Variants in GRID2 observed in about 807,000 individuals in gnomAD.
GRID2 encodes the protein glutamate receptor ionotropic, delta-2.
GRID2 carries 33 observed loss-of-function variants against 114.8 expected under a neutral mutation model. The observed-to-expected ratio is 0.29, with a 90% confidence interval of 0.22 to 0.38. The LOEUF is 0.38. Ranked by LOEUF, GRID2 falls within the 10% of genes least tolerant of loss-of-function variation. The probability of loss-of-function intolerance (pLI) is 1.00; values close to 1 mark genes in which losing one functional copy is unlikely to be tolerated. For missense variants in GRID2, 1,184 were observed against 1,257.7 expected (o/e 0.94, Z 0.89); for synonymous variants, 505 against 449.9 (o/e 1.12, Z -1.55).
At chr4:93,507,898 G>C (rs1221414394) in intron 12 of GRID2, among the ~76,000 whole-genome samples, 1 of 152,144 alleles carries the variant, frequency 6.6e-6, no homozygotes, top group Non-Finnish European at 1.5e-5. Context: ...GTTCAATGAA[G>C]CTTGCCCAGC....
At chr4:93,095,925 C>T (rs938131132) in intron 3 of GRID2, among the ~76,000 whole-genome samples, 2 of 151,860 alleles carry the variant, frequency 1.3e-5, no homozygotes, top group Non-Finnish European at 2.9e-5. Flanking sequence ...GTGTAAAGAT[C>T]TTATATAGCC....
intron 1 of GRID2, among the ~76,000 whole-genome samples, chr4:92,490,899 T>C (rs150529078): frequency 4.6e-5 from 7 of 152,206 alleles, no homozygotes; most frequent in African/African-American, 7.2e-5. Context: ...AGTGTTCACA[T>C]TGAGAAATCC....
chr4:93,660,477 T>C (rs2149736419), intron 14 of GRID2, among the ~76,000 whole-genome samples: 1 of 152,228 alleles, frequency 6.6e-6, no homozygotes, highest in Non-Finnish European at 1.5e-5. Context: ...GATTATGGAG[T>C]AAATGCCTTA....
rs137956550 is a variant in GRID2, at chr4:93,362,276, T to A, written c.1246-33331T>A. The stretch of plus-strand genomic sequence containing the variant: ...AATGGTAGAATGCCATTACTTGTTA[T>A]TCACACCACTTACTAGTCTGCTTGT... On this transcript the variant is annotated intron_variant, in intron 8 of 15. Coordinates refer to ENST00000282020, the MANE Select transcript of GRID2 (RefSeq NM_001510.4). 5.7e-3 allele frequency among the ~76,000 whole-genome samples: 866 copies of A among 152,210 alleles called. 5 individuals are homozygous for A. The highest frequency in any genetic ancestry group is 0.02 in the African/African-American group (819 of 41,538).
intron 1 of GRID2, among the ~76,000 whole-genome samples, chr4:92,384,480 T>TATATATA (rs1560598769): frequency 5.6e-5 from 3 of 53,992 alleles, no homozygotes; most frequent in Admixed American, 3.1e-4. Context: ...ATATATATAT[T>TATATATA]ATTTATATAT....
rs1347303085 is a variant in GRID2, at chr4:92,423,700, A to C, written c.88+118956A>C. Among the ~76,000 whole-genome samples, 4 of 152,148 alleles carry C rather than the reference A, an allele frequency of 2.6e-5. No individual in the cohort carries two copies. In the South Asian group the frequency reaches 6.2e-4, roughly 24 times the overall value. Reference sequence around the variant, plus strand: ...CAACAGATTTGAGCTGATGTTCAATAATACTTTTGGCACTCCAGAATAAAA... The same window carrying C: ...CAACAGATTTGAGCTGATGTTCAATCATACTTTTGGCACTCCAGAATAAAA... On this transcript the variant is annotated intron_variant, in intron 1 of 15. Transcript: ENST00000282020.
chr4:92,330,638 A>G (rs1322400802), intron 1 of GRID2, among the ~76,000 whole-genome samples: 1 of 152,144 alleles, frequency 6.6e-6, no homozygotes, highest in Non-Finnish European at 1.5e-5. Flanking sequence ...TGTGGTTTCT[A>G]TAAACAAAGT....
intron 2 of GRID2, among the ~76,000 whole-genome samples, chr4:92,824,267 T>G: frequency 6.6e-6 from 1 of 152,170 alleles, no homozygotes; most frequent in East Asian, 1.9e-4. Context: ...GTTATTAAAA[T>G]TTATCATTAC....
intron 2 of GRID2, among the ~76,000 whole-genome samples, chr4:93,046,008 TAAG>T (rs1237836508): frequency 6.6e-6 from 1 of 152,098 alleles, no homozygotes; most frequent in East Asian, 1.9e-4. Flanking sequence ...TTATAATTGA[TAAG>T]AATGTCAACC....
At position 92,477,418 on chromosome 4, in the gene GRID2, T is replaced by C. The variant is rs1007166851; in HGVS notation, c.89-112713T>C. 1.8e-4 allele frequency among the ~76,000 whole-genome samples: 27 copies of C among 152,148 alleles called. 2 individuals are homozygous for C. The highest frequency in any genetic ancestry group is 1.7e-3 in the Admixed American group (26 of 15,282). On this transcript the variant is annotated intron_variant, in intron 1 of 15. Coordinates refer to ENST00000282020, the MANE Select transcript of GRID2 (RefSeq NM_001510.4). ...GTTTCCAGTGACCCAGTTTTTGACATACTACTGTCGTGGTTCACTCTAGGT... is the reference window on the plus strand; with the variant it reads ...GTTTCCAGTGACCCAGTTTTTGACACACTACTGTCGTGGTTCACTCTAGGT...
Position 93,626,316 on chromosome 4 carries a change from A to T in GRID2, c.2241A>T (p.Glu747Asp), listed in dbSNP as rs545175788. The change falls in exon 14 of 16, where the codon GAA (glutamate) becomes GAT (aspartate). Residue 747 changes from glutamate to aspartate, a missense_variant. Around this residue, in one of 3 missense-constraint regions of GRID2, gnomAD observed 717 missense variants for 796.9 expected, o/e 0.90. Transcript: ENST00000282020. The stretch of plus-strand genomic sequence containing the variant: ...TCGTATGGGATGCAGCTGTATTGGA[A>T]TATGTGGCTATCAATGACCCAGATT... The part of the protein sequence containing the change: ...YAFVWDAAVL[E>D]YVAINDPDCS... 1.4e-5 allele frequency: 23 copies of T among 1,603,176 alleles called. No individual in the cohort carries two copies. In the East Asian group the frequency reaches 1.8e-4, roughly 12 times the overall value.
chr4:93,600,987 G>C lies in GRID2; in HGVS notation c.2194-25282G>C, dbSNP rs372891461. On this transcript the variant is annotated intron_variant, in intron 13 of 15. Transcript: ENST00000282020. Reference sequence around the variant, plus strand: ...GCAAAACAAATCTGTCATGGTGAGAGAAATCAGAGCAATAGTGCCCAGAGG... The same window carrying C: ...GCAAAACAAATCTGTCATGGTGAGACAAATCAGAGCAATAGTGCCCAGAGG... Among the ~76,000 whole-genome samples, 65 of 152,320 alleles carry C rather than the reference G, an allele frequency of 4.3e-4. No individual in the cohort carries two copies. In the Middle Eastern group the frequency reaches 0.01, roughly 24 times the overall value.
chr4:92,793,405 C>T (rs148753303), intron 2 of GRID2, among the ~76,000 whole-genome samples: 85 of 151,324 alleles, frequency 5.6e-4, no homozygotes, highest in Admixed American at 4.6e-4. Context: ...GGTGGAGGGT[C>T]GGAACAGGGA....
intron 2 of GRID2, among the ~76,000 whole-genome samples, chr4:92,938,753 C>A (rs867546783): frequency 7.0e-6 from 1 of 142,132 alleles, no homozygotes; most frequent in Admixed American, 7.8e-5. Flanking sequence ...TGTGATGTTC[C>A]CCTTCCTGTG....
At chr4:93,546,886 T>A (rs1051572804) in intron 13 of GRID2, among the ~76,000 whole-genome samples, 1 of 152,146 alleles carries the variant, frequency 6.6e-6, no homozygotes, top group African/African-American at 2.4e-5. Flanking sequence ...TCTGTTCTAG[T>A]TGGCTAAAGG....
chr4:93,518,042 C>T (rs559688190), intron 13 of GRID2, among the ~76,000 whole-genome samples: 173 of 136,162 alleles, frequency 1.3e-3, no homozygotes, highest in African/African-American at 4.7e-3. Context: ...TGTATATATA[C>T]GCATATACTA....
rs750541997 is a variant in GRID2 at position 93,530,504 on chromosome 4, C to T, written c.2193+15093C>T. On this transcript the variant is annotated intron_variant, in intron 13 of 15. Coordinates refer to ENST00000282020, the MANE Select transcript of GRID2 (RefSeq NM_001510.4). ...GTATTGCTCATTTCTTTCCCTCCATCAGGAATGCACTCCTCTGCCTGCCTT... is the reference window on the plus strand; with the variant it reads ...GTATTGCTCATTTCTTTCCCTCCATTAGGAATGCACTCCTCTGCCTGCCTT... Among the ~76,000 whole-genome samples, 28 of 152,142 alleles carry T rather than the reference C, an allele frequency of 1.8e-4. 1 individual carries two copies. The highest frequency in any genetic ancestry group is 5.2e-4 in the Admixed American group (8 of 15,250).
At chr4:92,595,973 A>G (rs973131905) in intron 2 of GRID2, among the ~76,000 whole-genome samples, 2 of 152,172 alleles carry the variant, frequency 1.3e-5, no homozygotes, top group East Asian at 3.9e-4. Context: ...TTATTTGCCC[A>G]CTGCTTTAAT....
At chr4:93,651,103 A>G (rs181463277) in intron 14 of GRID2, among the ~76,000 whole-genome samples, 164 of 152,230 alleles carry the variant, frequency 1.1e-3, no homozygotes, top group African/African-American at 3.9e-3. Flanking sequence ...CTCACAAAAG[A>G]TGGTAGTGAA....
Sources: allele counts gnomAD v4.1 joint callset (sites outside exome capture counted in the v4.1 genomes callset), GRCh38; gene constraint gnomAD v4.1.1; regional missense constraint gnomAD v4.1.1; transcripts MANE v1.5; gene names NCBI Gene and HGNC (gene_info 2026-07-23, HGNC 2026-07-21).